RFX3: variants seen among roughly 807,000 people sequenced by gnomAD.
RFX3 encodes the protein regulatory factor X3.
A neutral mutation model predicts 98.6 loss-of-function variants in RFX3; 14 were observed. That is an observed-to-expected ratio of 0.14 (90% CI 0.09 to 0.22). The LOEUF is 0.22. RFX3 is among the 10% of genes least tolerant of loss of function. The pLI, the probability that RFX3 is intolerant of heterozygous loss-of-function variation, is 1.00. For missense variants in RFX3, 639 were observed against 926.9 expected (o/e 0.69, Z 4.03); for synonymous variants, 383 against 328.4 (o/e 1.17, Z -1.80).
intron 4 of RFX3, among the ~76,000 whole-genome samples, chr9:3,304,187 T>C (rs1829008603): frequency 6.6e-6 from 1 of 152,010 alleles, no homozygotes; most frequent in South Asian, 2.1e-4. Context: ...AGTTACCACC[T>C]CACTGATAAG....
intron 2 of RFX3, among the ~76,000 whole-genome samples, chr9:3,367,734 T>A (rs751621295): frequency 6.6e-6 from 1 of 152,206 alleles, no homozygotes. Context: ...GTAACACACA[T>A]AACAACCTAA....
chr9:3,467,126 G>GT (rs1848335401), intron 1 of RFX3, among the ~76,000 whole-genome samples: 1 of 123,558 alleles, frequency 8.1e-6, no homozygotes, highest in African/African-American at 3.7e-5. Context: ...ATACATATAT[G>GT]TAAGTATATA....
intron 2 of RFX3, among the ~76,000 whole-genome samples, chr9:3,376,164 A>C (rs1381677634): frequency 6.6e-6 from 1 of 152,200 alleles, no homozygotes; most frequent in Non-Finnish European, 1.5e-5. Flanking sequence ...TGCATGGCTA[A>C]AATTAAAAAT....
intron 1 of RFX3, among the ~76,000 whole-genome samples, chr9:3,486,038 T>A (rs1240335769): frequency 6.9e-6 from 1 of 144,914 alleles, no homozygotes; most frequent in Non-Finnish European, 1.5e-5. Context: ...GGCAGGGGAA[T>A]CGCTTGAACC....
At chr9:3,390,452 A>T (rs553767439) in intron 2 of RFX3, among the ~76,000 whole-genome samples, 2 of 152,282 alleles carry the variant, frequency 1.3e-5, no homozygotes, top group African/African-American at 4.8e-5. Context: ...AATGATACGG[A>T]CTATGAAATC....
At chr9:3,523,242 T>C (rs1818897647) in intron 1 of RFX3, among the ~76,000 whole-genome samples, 1 of 152,212 alleles carries the variant, frequency 6.6e-6, no homozygotes, top group African/African-American at 2.4e-5. Context: ...TGATCACTTT[T>C]ACAAATTTCT....
intron 1 of RFX3, among the ~76,000 whole-genome samples, chr9:3,434,161 G>C (rs909724032): frequency 3.9e-5 from 6 of 152,096 alleles, no homozygotes; most frequent in African/African-American, 1.4e-4. Context: ...ACAAGGCTCT[G>C]ATAAGCCCCA....
chr9:3,474,718 A>T (rs1325994537), intron 1 of RFX3, among the ~76,000 whole-genome samples: 1 of 152,214 alleles, frequency 6.6e-6, no homozygotes, highest in Non-Finnish European at 1.5e-5. Context: ...ATATTGCAGT[A>T]TAATCTTTAA....
intron 3 of RFX3, among the ~76,000 whole-genome samples, chr9:3,331,030 T>C (rs1234016872): frequency 1.3e-5 from 2 of 152,070 alleles, no homozygotes; most frequent in African/African-American, 4.8e-5. Context: ...CTTAAGCAAA[T>C]AGTTTACTCA....
intron 1 of RFX3, among the ~76,000 whole-genome samples, chr9:3,509,354 T>C (rs960110863): frequency 1.3e-5 from 2 of 151,980 alleles, no homozygotes; most frequent in Non-Finnish European, 2.9e-5. Context: ...ATTAAATGAA[T>C]GTTTACAAAA....
At chr9:3,321,785 T>A (rs944821956) in intron 4 of RFX3, among the ~76,000 whole-genome samples, 3 of 152,086 alleles carry the variant, frequency 2.0e-5, no homozygotes, top group African/African-American at 7.2e-5. Flanking sequence ...CACTTTTCTA[T>A]CCAAGTGAAA....
intron 2 of RFX3, among the ~76,000 whole-genome samples, chr9:3,365,282 G>C (rs1200133600): frequency 7.2e-6 from 1 of 139,240 alleles, no homozygotes; most frequent in African/African-American, 2.8e-5. Context: ...CCTGGTGACA[G>C]AGAGACTCAT....
chr9:3,263,116 GT>G, intron 12 of RFX3, 32 bp from the exon 13 acceptor site: 1 of 1,600,740 alleles, frequency 6.2e-7, no homozygotes, highest in Non-Finnish European at 8.5e-7. Context: ...TTGGGATTCT[GT>G]TTCCTCCAGT....
At chr9:3,394,097 C>T (rs1399328501) in intron 2 of RFX3, among the ~76,000 whole-genome samples, 2 of 152,012 alleles carry the variant, frequency 1.3e-5, no homozygotes, top group Non-Finnish European at 2.9e-5. Context: ...AAACTGGTAG[C>T]TTGAGGGATG....
At chr9:3,305,658 G>A (rs1829209065) in intron 4 of RFX3, among the ~76,000 whole-genome samples, 2 of 151,996 alleles carry the variant, frequency 1.3e-5, no homozygotes, top group Admixed American at 6.6e-5. Context: ...TCACTCCTAC[G>A]AATTAGCCCA....
intron 2 of RFX3, among the ~76,000 whole-genome samples, chr9:3,373,719 A>C (rs1338958475): frequency 6.6e-6 from 1 of 152,142 alleles, no homozygotes; most frequent in African/African-American, 2.4e-5. Flanking sequence ...GAGGACAAAA[A>C]GTATAGGAGG....
intron 1 of RFX3, among the ~76,000 whole-genome samples, chr9:3,436,784 C>T (rs938762516): frequency 2.6e-5 from 4 of 151,900 alleles, no homozygotes; most frequent in Non-Finnish European, 4.4e-5. Context: ...GGATAGGAAA[C>T]GATCACACCC....
At chr9:3,351,880 A>T (rs1244841796) in intron 2 of RFX3, among the ~76,000 whole-genome samples, 1 of 152,016 alleles carries the variant, frequency 6.6e-6, no homozygotes, top group Non-Finnish European at 1.5e-5. Context: ...TAGGCAATTT[A>T]AAGGTAATTT....
intron 4 of RFX3, among the ~76,000 whole-genome samples, chr9:3,314,440 G>A (rs1587003331): frequency 1.3e-5 from 2 of 152,084 alleles, no homozygotes; most frequent in Non-Finnish European, 2.9e-5. Flanking sequence ...AAAGACCATC[G>A]ATGCTAGGAA....
Sources: gnomAD v4.1 joint callset for allele counts (sites outside exome capture counted in the v4.1 genomes callset) on GRCh38, gnomAD v4.1.1 for gene constraint, MANE v1.5 for transcripts, NCBI Gene and HGNC (gene_info 2026-07-23, HGNC 2026-07-21) for gene names.